UNC13C: variants seen among roughly 807,000 people sequenced by gnomAD.
UNC13C encodes protein unc-13 homolog C.
UNC13C carries 174 observed loss-of-function variants against 245.4 expected under a neutral mutation model. The ratio of observed to expected loss-of-function variants is 0.71; its 90% confidence interval spans 0.63 to 0.80. The LOEUF is 0.80. Ranked by LOEUF, UNC13C falls within the 30% of genes least tolerant of loss-of-function variation. The probability of loss-of-function intolerance (pLI) is 0.00; values close to 1 mark genes in which losing one functional copy is unlikely to be tolerated. For synonymous variants in UNC13C, 992 were observed against 895.1 expected, an observed-to-expected ratio of 1.11 and a Z score of -1.93; for missense variants, 2,829 against 2,602.9, an observed-to-expected ratio of 1.09 and a Z score of -1.89.
intron 30 of UNC13C, among the ~76,000 whole-genome samples, chr15:54,607,004 T>A (rs1291966859): frequency 6.6e-6 from 1 of 152,214 alleles, no homozygotes; most frequent in Non-Finnish European, 1.5e-5. Flanking sequence ...AGAGACTATT[T>A]CCTGTGGAGA....
At chr15:54,034,305 T>C (rs1465015360) in intron 2 of UNC13C, among the ~76,000 whole-genome samples, 3 of 152,212 alleles carry the variant, frequency 2.0e-5, no homozygotes, top group Non-Finnish European at 4.4e-5. Flanking sequence ...AGCACACAAT[T>C]TCCTCCTTTT....
intron 19 of UNC13C, among the ~76,000 whole-genome samples, chr15:54,482,179 T>A (rs1302556699): frequency 6.6e-6 from 1 of 152,064 alleles, no homozygotes; most frequent in East Asian, 1.9e-4. Context: ...GTCCAGCTAG[T>A]GTCATGATAC....
chr15:54,584,329 T>C (rs1365686735), intron 30 of UNC13C, among the ~76,000 whole-genome samples: 2 of 152,254 alleles, frequency 1.3e-5, no homozygotes, highest in East Asian at 1.9e-4. Flanking sequence ...TCTTGTAGTA[T>C]GCAGTTATGC....
chr15:54,356,364 T>A (rs906445046), intron 17 of UNC13C, among the ~76,000 whole-genome samples: 4 of 152,152 alleles, frequency 2.6e-5, no homozygotes, highest in African/African-American at 9.7e-5. Flanking sequence ...TAAAAGTGTT[T>A]TTTTTTTCCA....
intron 19 of UNC13C, among the ~76,000 whole-genome samples, chr15:54,457,892 G>GTTTTTTTTTTTTTTTCTTTTTTTT (rs34133938): frequency 1.6e-5 from 2 of 122,992 alleles, no homozygotes; most frequent in Admixed American, 8.6e-5. Flanking sequence ...TCTGCTTTTC[G>GTTTTTTTTTTTTTTTCTTTTTTTT]TTTTTTTTTT....
rs543337408 is a variant in UNC13C at position 54,380,185 on chromosome 15, A to G, written c.4714-12863A>G. Among the ~76,000 whole-genome samples the G allele has an allele frequency of 4.0e-5, 6 of 151,090 alleles. No individual in the cohort carries two copies. The South Asian group carries it at 6.3e-4, about 16-fold the overall frequency. On this transcript the variant is annotated intron_variant, in intron 17 of 32. Transcript: ENST00000260323. ...CTGCCCCTGTTAACACCATTCTACT[A>G]TCTACTTCTATGAGATCAACTTTTT...
chr15:54,452,445 T>A (rs553805016), intron 19 of UNC13C, among the ~76,000 whole-genome samples: 8 of 152,050 alleles, frequency 5.3e-5, no homozygotes, highest in African/African-American at 1.9e-4. Context: ...AGGTGGTGTA[T>A]AGGGGTGGGT....
chr15:54,152,812 A>T (rs2032578420), intron 4 of UNC13C, among the ~76,000 whole-genome samples: 1 of 152,184 alleles, frequency 6.6e-6, no homozygotes, highest in African/African-American at 2.4e-5. Context: ...GCTGTAATTG[A>T]TAATGGCTGT....
chr15:54,372,621 T>C (rs1315838584), intron 17 of UNC13C, among the ~76,000 whole-genome samples: 1 of 152,242 alleles, frequency 6.6e-6, no homozygotes, highest in Non-Finnish European at 1.5e-5. Context: ...GGAATCATAC[T>C]AAATATGTTT....
intron 4 of UNC13C, among the ~76,000 whole-genome samples, chr15:54,150,803 C>T (rs1379997956): frequency 6.6e-6 from 1 of 152,188 alleles, no homozygotes; most frequent in East Asian, 1.9e-4. Context: ...TTTGGTACAG[C>T]ATCTATGAAA....
intron 17 of UNC13C, among the ~76,000 whole-genome samples, chr15:54,392,560 A>G (rs2039980340): frequency 6.6e-6 from 1 of 151,998 alleles, no homozygotes; most frequent in Non-Finnish European, 1.5e-5. Flanking sequence ...ACTGACAGGC[A>G]GCTGTCAGTT....
chr15:54,486,288 CA>C (rs56275227), intron 19 of UNC13C, among the ~76,000 whole-genome samples: 5 of 149,184 alleles, frequency 3.4e-5, no homozygotes, highest in Non-Finnish European at 7.4e-5. Flanking sequence ...CACACACACA[CA>C]ATATCAGTGT....
chr15:54,267,391 A>T (rs1336575072), intron 10 of UNC13C, among the ~76,000 whole-genome samples: 1 of 152,090 alleles, frequency 6.6e-6, no homozygotes, highest in Admixed American at 6.6e-5. Context: ...TCTTAGTCTC[A>T]TTCCCAATCT....
At chr15:54,045,689 T>G (rs964231876) in intron 2 of UNC13C, among the ~76,000 whole-genome samples, 7 of 152,202 alleles carry the variant, frequency 4.6e-5, no homozygotes, top group Non-Finnish European at 7.3e-5. Context: ...ACACCTGAGG[T>G]GTTTACTGAA....
chr15:53,844,406 T>C, the UNC13C span, among the ~76,000 whole-genome samples: 1 of 152,166 alleles, frequency 6.6e-6, no homozygotes, highest in African/African-American at 2.4e-5. Context: ...CTCAGTTTTG[T>C]TGAAACAAAA....
In UNC13C at chr15:54,250,349, TG is replaced by T; in HGVS notation, c.3354del (p.Trp1119GlyfsTer8). The T allele has an allele frequency of 6.2e-7, 1 of 1,613,796 alleles. No individual in the cohort carries two copies. The highest frequency in any genetic ancestry group is 1.7e-5 in the Admixed American group (1 of 59,984). ...TACTGTTATGAGTGTGAAGGGCTCC[TG>T]TGGGGCATTGCAAGGCAAGGCATGA... ...PTYCYECEGL[L>X]WGIARQGMKC... On this transcript the variant is annotated frameshift_variant, in exon 8 of 33. Transcript: ENST00000260323. LOFTEE classifies it high-confidence loss of function.
chr15:53,989,089 A>T (rs1389383338), intron 1 of UNC13C, among the ~76,000 whole-genome samples: 1 of 151,968 alleles, frequency 6.6e-6, no homozygotes, highest in Non-Finnish European at 1.5e-5. Flanking sequence ...TTTTAAATAG[A>T]TGCCATGCTT....
intron 26 of UNC13C, among the ~76,000 whole-genome samples, chr15:54,543,871 G>T (rs1379007229): frequency 6.6e-6 from 1 of 152,164 alleles, no homozygotes; most frequent in African/African-American, 2.4e-5. Flanking sequence ...GAGGTACAAA[G>T]AGGAGCTGAT....
the UNC13C span, among the ~76,000 whole-genome samples, chr15:53,878,111 G>A: frequency 6.6e-6 from 1 of 152,026 alleles, no homozygotes; most frequent in African/African-American, 2.4e-5. Context: ...AAAATGGTTT[G>A]TCTCATTTGT....
Sources: gnomAD v4.1 joint callset for allele counts (sites outside exome capture counted in the v4.1 genomes callset) on GRCh38, gnomAD v4.1.1 for gene constraint, MANE v1.5 for transcripts, NCBI Gene and HGNC (gene_info 2026-07-23, HGNC 2026-07-21) for gene names.